HDAC8: variants seen among roughly 807,000 people sequenced by gnomAD.
HDAC8 encodes histone deacetylase 8.
A neutral mutation model predicts 32.2 loss-of-function variants in HDAC8; 1 was observed. That is an observed-to-expected ratio of 0.03 (90% CI 0.01 to 0.15). HDAC8 has a LOEUF of 0.15. Ranked by LOEUF, HDAC8 falls within the 10% of genes least tolerant of loss-of-function variation. The probability of loss-of-function intolerance (pLI) is 1.00; values close to 1 mark genes in which losing one functional copy is unlikely to be tolerated. For synonymous variants in HDAC8, 108 were observed against 113.9 expected (o/e 0.95, Z 0.33); for missense variants, 117 against 300.0 (o/e 0.39, Z 4.51).
intron 9 of HDAC8, among the ~76,000 whole-genome samples, chrX:72,428,010 C>G (rs1034847559): frequency 7.1e-5 from 8 of 112,381 alleles, no homozygotes; most frequent in Admixed American, 6.6e-4. Flanking sequence ...TAAGCTCAGG[C>G]CTACAAATCC....
At chrX:72,440,909 C>G (rs6624616) in intron 9 of HDAC8, among the ~76,000 whole-genome samples, 1 of 112,729 alleles carries the variant, frequency 8.9e-6, no homozygotes, top group African/African-American at 3.2e-5. Flanking sequence ...GGGGGTCCTA[C>G]GCCCACGGAG....
chrX:72,453,642 T>C (rs1286314018), intron 9 of HDAC8, among the ~76,000 whole-genome samples: 1 of 111,293 alleles, frequency 9.0e-6, no homozygotes, highest in Non-Finnish European at 1.9e-5. Flanking sequence ...CAGAAAAAAA[T>C]AGTGGTTGAA....
chrX:72,439,639 C>CA (rs782744436), intron 9 of HDAC8, among the ~76,000 whole-genome samples: 5,737 of 36,145 alleles, frequency 0.16, 736 homozygotes, highest in East Asian at 0.68. Flanking sequence ...AAATGGAAAG[C>CA]AAAAAAAAAA....
intron 9 of HDAC8, among the ~76,000 whole-genome samples, chrX:72,378,282 T>C (rs782087406): frequency 2.7e-5 from 3 of 111,564 alleles, no homozygotes; most frequent in African/African-American, 9.8e-5. Flanking sequence ...GCCATTCTCA[T>C]GGTAGTGAGT....
At chrX:72,472,438 C>A (rs1028688462) in intron 7 of HDAC8, among the ~76,000 whole-genome samples, 1 of 111,839 alleles carries the variant, frequency 8.9e-6, no homozygotes, top group African/African-American at 3.3e-5. Context: ...TGTCCTCTCC[C>A]CCATTGAATG....
intron 4 of HDAC8, among the ~76,000 whole-genome samples, chrX:72,543,140 C>T (rs1374532629): frequency 9.0e-6 from 1 of 111,492 alleles, no homozygotes; most frequent in African/African-American, 3.3e-5. Flanking sequence ...TGGCTATGTC[C>T]TTGTGTAGTC....
intron 9 of HDAC8, among the ~76,000 whole-genome samples, chrX:72,441,260 CG>C (rs1208589094): frequency 8.9e-6 from 1 of 112,631 alleles, no homozygotes; most frequent in African/African-American, 3.2e-5. Flanking sequence ...CCCTGACACC[CG>C]AGCAGCCTAA....
At position 72,546,207 on chromosome X, in the gene HDAC8, A is replaced by G. The variant is rs548167196; in HGVS notation, c.437+21682T>C. 9.9e-5 allele frequency among the ~76,000 whole-genome samples: 11 copies of G among 111,256 alleles called. No homozygotes were observed. In the South Asian group the frequency reaches 2.7e-3, roughly 27 times the overall value. On this transcript the variant is annotated intron_variant, in intron 4 of 10. Transcript: ENST00000373573. The stretch of plus-strand genomic sequence containing the variant: ...CAGCATAGAGCTTTATGGCTCTACC[A>G]TTTACTGCCCCCAGGTGGAAGTCCC...
intron 7 of HDAC8, among the ~76,000 whole-genome samples, chrX:72,468,386 A>G (rs1337402071): frequency 9.0e-6 from 1 of 111,412 alleles, no homozygotes; most frequent in African/African-American, 3.3e-5. Flanking sequence ...GCTAATTGAC[A>G]GAGTAGGAGT....
At chrX:72,528,286 T>C (rs782168716) in intron 4 of HDAC8, among the ~76,000 whole-genome samples, 1 of 111,796 alleles carries the variant, frequency 8.9e-6, no homozygotes, top group Non-Finnish European at 1.9e-5. Context: ...CAGAAAGCAT[T>C]TGTTGAATGA....
At chrX:72,485,917 C>G (rs1017763201) in intron 7 of HDAC8, among the ~76,000 whole-genome samples, 3 of 109,949 alleles carry the variant, frequency 2.7e-5, no homozygotes, top group Non-Finnish European at 3.8e-5. Context: ...GTCAGGAGAT[C>G]GAGACCATAG....
chrX:72,564,108 C>G (rs994184743), intron 4 of HDAC8, among the ~76,000 whole-genome samples: 4 of 110,651 alleles, frequency 3.6e-5, no homozygotes, highest in Non-Finnish European at 7.6e-5. Context: ...TGCAGTGAGC[C>G]GAGATCACAC....
intron 4 of HDAC8, among the ~76,000 whole-genome samples, chrX:72,507,069 G>A (rs781811352): frequency 9.1e-6 from 1 of 109,906 alleles, no homozygotes; most frequent in Non-Finnish European, 1.9e-5. Flanking sequence ...GGCTGGCCTC[G>A]AACTCCCGAG....
chrX:72,520,137 C>T (rs1173903770), intron 4 of HDAC8, among the ~76,000 whole-genome samples: 1 of 111,770 alleles, frequency 8.9e-6, no homozygotes, highest in African/African-American at 3.2e-5. Context: ...GTTTTATGGA[C>T]CATGCTTTTG....
intron 2 of HDAC8, among the ~76,000 whole-genome samples, chrX:72,571,596 C>T (rs1354106527): frequency 1.7e-5 from 1 of 57,777 alleles, no homozygotes; most frequent in Non-Finnish European, 3.1e-5. Flanking sequence ...GACGGAGTTT[C>T]ACTCTTGTTG....
intron 10 of HDAC8, among the ~76,000 whole-genome samples, chrX:72,340,339 T>C (rs374032237): frequency 9.0e-6 from 1 of 111,546 alleles, no homozygotes; most frequent in South Asian, 3.8e-4. Context: ...GGTTCTTTGG[T>C]CGATGTGCCT....
intron 4 of HDAC8, among the ~76,000 whole-genome samples, chrX:72,551,022 T>C (rs782628644): frequency 1.8e-5 from 2 of 109,931 alleles, no homozygotes; most frequent in Non-Finnish European, 3.8e-5. Flanking sequence ...AATGCAAATC[T>C]GTCAGAAAGT....
intron 9 of HDAC8, among the ~76,000 whole-genome samples, chrX:72,381,914 C>T (rs1457424692): frequency 8.9e-6 from 1 of 112,385 alleles, no homozygotes; most frequent in Non-Finnish European, 1.9e-5. Flanking sequence ...CCAGAAGCAA[C>T]AGAATAAATC....
At chrX:72,489,298 A>G in intron 6 of HDAC8, 1 of 438,784 alleles carries the variant, frequency 2.3e-6, no homozygotes. Context: ...GGTTGACATA[A>G]CATCAATTTA....
Sources: allele counts gnomAD v4.1 joint callset (sites outside exome capture counted in the v4.1 genomes callset), GRCh38; gene constraint gnomAD v4.1.1; transcripts MANE v1.5; gene names NCBI Gene and HGNC (gene_info 2026-07-23, HGNC 2026-07-21).